Variants in DNAH14 observed in about 807,000 individuals in gnomAD.
DNAH14 encodes dynein axonemal heavy chain 14.
In DNAH14, 478 loss-of-function variants were observed where a neutral mutation model predicts 520.9. That is an observed-to-expected ratio of 0.92 (90% CI 0.85 to 0.99). The LOEUF (loss-of-function observed/expected upper bound fraction) is 0.99. Ranked by LOEUF, DNAH14 falls within the 50% of genes least tolerant of loss-of-function variation. DNAH14 has a pLI of 0.00. For synonymous variants in DNAH14, 1,581 were observed against 1,757.2 expected (o/e 0.90, Z 2.51); for missense variants, 4,831 against 5,234.5 (o/e 0.92, Z 2.38).
Position 225,380,177 on chromosome 1 carries a change from T to A in DNAH14, c.12735T>A (p.Asp4245Glu), listed in dbSNP as rs1282057350. Residue 4245 changes from aspartate to glutamate, a missense_variant, in exon 80 of 86, where the codon GAT becomes GAA. Coordinates refer to ENST00000682510, the MANE Select transcript of DNAH14 (RefSeq NM_001367479.1). Reference protein sequence around the residue: ...NLMIRPEQSKDELVMEILSDL... With the variant: ...NLMIRPEQSKEELVMEILSDL... The stretch of plus-strand genomic sequence containing the variant: ...TTTGCAGACCTGAGCAGAGTAAGGA[T>A]GAACTGGTGATGGAAATTCTATCCG... 1.3e-6 allele frequency: 2 copies of A among 1,551,474 alleles called. No individual in the cohort carries two copies. Among genetic ancestry groups the A allele is most frequent in the Non-Finnish European group, 1.7e-6 (2 of 1,146,950 alleles).
At chr1:225,229,202 G>A (rs1202468253) in intron 41 of DNAH14, among the ~76,000 whole-genome samples, 1 of 152,174 alleles carries the variant, frequency 6.6e-6, no homozygotes, top group East Asian at 1.9e-4. Context: ...TGTGCAGTCA[G>A]GCAAAATACC....
Position 225,108,383 on chromosome 1 carries a change from C to G in DNAH14, c.3867+7499C>G, listed in dbSNP as rs539135830. On this transcript the variant is annotated intron_variant, in intron 23 of 85. Coordinates refer to ENST00000682510, the MANE Select transcript of DNAH14 (RefSeq NM_001367479.1). ...CTATTGTGGGACTTCACCTTGTGAC[C>G]GTGTAAGTCAATACTCCTTAATAAA... Among the ~76,000 whole-genome samples the G allele has an allele frequency of 1.2e-4, 18 of 152,232 alleles. No individual in the cohort carries two copies. The East Asian group carries it at 2.9e-3, about 25-fold the overall frequency.
intron 16 of DNAH14, 29 bp from the exon 17 acceptor site, chr1:225,051,422 G>T (rs1055365239): frequency 1.4e-6 from 2 of 1,397,884 alleles, no homozygotes; most frequent in South Asian, 3.4e-5. Flanking sequence ...TAAAAATTCT[G>T]ACTAACATCT....
intron 27 of DNAH14, among the ~76,000 whole-genome samples, chr1:225,138,058 A>G (rs1327248539): frequency 2.0e-5 from 3 of 151,748 alleles, no homozygotes; most frequent in African/African-American, 7.3e-5. Context: ...GCCCCTCTTC[A>G]TCTCCACAGC....
chr1:225,374,468 T>C (rs902606897), intron 77 of DNAH14, among the ~76,000 whole-genome samples: 20 of 150,062 alleles, frequency 1.3e-4, no homozygotes, highest in Non-Finnish European at 3.0e-4. Context: ...ACCATGTTGG[T>C]CAGGCTGGTC....
In DNAH14 at chr1:225,289,949, A is replaced by AACT. The variant is rs1284558399; in HGVS notation, c.8338_8340dup (p.Leu2780dup). 1 of 1,533,692 alleles carries AACT rather than the reference A, an allele frequency of 6.5e-7. No individual in the cohort carries two copies. Among genetic ancestry groups the AACT allele is most frequent in the African/African-American group, 1.4e-5 (1 of 72,524 alleles). On this transcript the variant is annotated inframe_insertion, in exon 55 of 86. Transcript: ENST00000682510. ...TTGGCCTGTTATTTGACAGATAATAAACTATACCGAGTGCCTATATCTCAC... is the reference window on the plus strand; with the variant it reads ...TTGGCCTGTTATTTGACAGATAATAAACTACTATACCGAGTGCCTATATCTCAC...
At position 225,399,045 on chromosome 1, in the gene DNAH14, T is replaced by C. The variant is rs1429567005; in HGVS notation, c.13639-9T>C. 6.5e-7 allele frequency: 1 copy of C among 1,534,272 alleles called. No individual in the cohort carries two copies. Among genetic ancestry groups the C allele is most frequent in the Admixed American group, 2.1e-5 (1 of 47,424 alleles). On this transcript the variant is annotated splice_polypyrimidine_tract_variant and intron_variant, in intron 85 of 85. Coordinates refer to ENST00000682510, the MANE Select transcript of DNAH14 (RefSeq NM_001367479.1). ...CAATTTGACTACTGGATTTTTTTTT[T>C]TTTTAAAGATTTCTACCAAAACACC... is the stretch of plus-strand genomic sequence containing the variant.
At chr1:225,026,656 C>T (rs2066142413) in intron 11 of DNAH14, among the ~76,000 whole-genome samples, 1 of 152,144 alleles carries the variant, frequency 6.6e-6, no homozygotes, top group Admixed American at 6.6e-5. Context: ...GTCTTGATTA[C>T]TATAGCTTTG....
In DNAH14 at chr1:225,003,041, T is replaced by A. The variant is rs2489318; in HGVS notation, c.975+114T>A. On this transcript the variant is annotated intron_variant, in intron 9 of 85. Coordinates refer to ENST00000682510, the MANE Select transcript of DNAH14 (RefSeq NM_001367479.1). Reference sequence around the variant, plus strand: ...TAAATTCATAAATAAACCATCTCTTTCGATTACTACCGTTCTAAAATATCT... The same window carrying A: ...TAAATTCATAAATAAACCATCTCTTACGATTACTACCGTTCTAAAATATCT... 0.024 allele frequency: 23,146 copies of A among 945,100 alleles called. 3,376 individuals carry two copies. In the African/African-American group the frequency reaches 0.33, roughly 14 times the overall value. The allele number at this position is 945,100 out of a possible 1,614,324, so 58.5% of individuals were successfully genotyped here.
chr1:225,050,635 C>A (rs796795861), intron 16 of DNAH14, among the ~76,000 whole-genome samples: 3 of 152,260 alleles, frequency 2.0e-5, no homozygotes, highest in African/African-American at 7.2e-5. Flanking sequence ...TGTTGACTTG[C>A]CATACCTCAA....
rs1421414806 is a variant in DNAH14 at position 225,360,882 on chromosome 1, T to C, written c.11978T>C (p.Ile3993Thr). Residue 3993 changes from isoleucine to threonine, a missense_variant, in exon 75 of 86, where the codon ATT (isoleucine) becomes ACT (threonine). Ile to Thr is a moderately conservative substitution (Grantham distance 89, BLOSUM62 -1). Coordinates refer to ENST00000682510, the MANE Select transcript of DNAH14 (RefSeq NM_001367479.1). Reference protein sequence around the residue: ...ATSFMPRLCTIVESFNSPNVT... With the variant: ...ATSFMPRLCTTVESFNSPNVT... ...TCATTTATGCCAAGGCTTTGCACAA[T>C]TGTAGAATCGTAAGAGTTTTACATT... 1.8e-5 allele frequency: 28 copies of C among 1,551,468 alleles called. No homozygotes were observed. The highest frequency in any genetic ancestry group is 2.4e-5 in the South Asian group (2 of 84,052).
intron 36 of DNAH14, among the ~76,000 whole-genome samples, chr1:225,173,444 G>C (rs1468106295): frequency 1.3e-5 from 2 of 152,138 alleles, no homozygotes; most frequent in African/African-American, 4.8e-5. Context: ...CAAAAAGTGG[G>C]TGAAGGATAT....
intron 27 of DNAH14, among the ~76,000 whole-genome samples, chr1:225,128,423 T>C (rs2078004525): frequency 6.6e-6 from 1 of 152,106 alleles, no homozygotes; most frequent in South Asian, 2.1e-4. Flanking sequence ...CTCAATAAAA[T>C]ACTGGCAAAC....
chr1:225,317,424 C>T (rs115745936), intron 60 of DNAH14, among the ~76,000 whole-genome samples: 2,752 of 151,868 alleles, frequency 0.018, 78 homozygotes, highest in African/African-American at 0.061. Flanking sequence ...TCATATTTCA[C>T]GTTTTTATCT....
At chr1:225,015,944 G>C (rs1226506243) in intron 10 of DNAH14, among the ~76,000 whole-genome samples, 2 of 152,286 alleles carry the variant, frequency 1.3e-5, no homozygotes, top group East Asian at 3.9e-4. Context: ...CACAGACAAG[G>C]AGAGGTCTCA....
chr1:225,140,708 A>G, intron 27 of DNAH14, 60 bp from the exon 28 acceptor site: 1 of 1,226,270 alleles, frequency 8.2e-7, no homozygotes, highest in Non-Finnish European at 1.1e-6. Context: ...AATAAAATTT[A>G]TGCTTCAATT....
In DNAH14 at chr1:225,392,372, T is replaced by G; in HGVS notation, c.13412T>G (p.Ile4471Ser). The change falls in exon 84 of 86, where the codon ATT (isoleucine) becomes AGT (serine). Residue 4471 changes from isoleucine to serine, a missense_variant. By Grantham distance (142) the Ile-to-Ser change is moderately radical. Coordinates refer to ENST00000682510, the MANE Select transcript of DNAH14 (RefSeq NM_001367479.1). ...GCCCTCACCTTCACCCACCATGTGA[T>G]TTCCAACACCACTGACAAGGATGAG... ...VDALTFTHHVISNTTDKDEKF... is the reference protein window; with the variant it reads ...VDALTFTHHVSSNTTDKDEKF... The G allele has an allele frequency of 1.3e-6, 2 of 1,552,298 alleles. No homozygotes were observed. Among genetic ancestry groups the G allele is most frequent in the Non-Finnish European group, 1.7e-6 (2 of 1,147,128 alleles).
intron 55 of DNAH14, among the ~76,000 whole-genome samples, chr1:225,298,218 G>T (rs1031059545): frequency 2.0e-5 from 3 of 152,100 alleles, no homozygotes; most frequent in African/African-American, 7.2e-5. Flanking sequence ...GACCTGTAAG[G>T]CTCTTTCTCA....
At chr1:225,089,246 C>A (rs3101906) in intron 21 of DNAH14, among the ~76,000 whole-genome samples, 121,044 of 151,738 alleles carry the variant, frequency 0.8, 51,629 homozygotes, top group Non-Finnish European at 0.96. Context: ...GAGTTTGAGA[C>A]CAACCTGGCC....
Sources: allele counts gnomAD v4.1 joint callset (sites outside exome capture counted in the v4.1 genomes callset), GRCh38; gene constraint gnomAD v4.1.1; transcripts MANE v1.5; gene names NCBI Gene and HGNC (gene_info 2026-07-23, HGNC 2026-07-21).